CAMTA1: variants seen among roughly 807,000 people sequenced by gnomAD.
The protein encoded by CAMTA1 is calmodulin binding transcription activator 1, also known as calmodulin-binding transcription activator 1.
In CAMTA1, 27 loss-of-function variants were observed where a neutral mutation model predicts 170.9. The ratio of observed to expected loss-of-function variants is 0.16; its 90% CI spans 0.12 to 0.22. CAMTA1 has a LOEUF of 0.22. Among genes scored for constraint, CAMTA1 ranks in the 10% least tolerant of loss-of-function variants. CAMTA1 has a pLI of 1.00. For missense variants in CAMTA1, 1,619 were observed against 2,217.2 expected (o/e 0.73, Z 5.42); for synonymous variants, 833 against 891.5 (o/e 0.93, Z 1.17).
intron 11 of CAMTA1, among the ~76,000 whole-genome samples, chr1:7,730,926 CTCTA>C (rs753104497): frequency 0.016 from 2,131 of 130,648 alleles, 15 homozygotes; most frequent in Non-Finnish European, 0.027. Flanking sequence ...CTCTCTCTCT[CTCTA>C]TATATATATA....
intron 4 of CAMTA1, among the ~76,000 whole-genome samples, chr1:7,143,601 T>C (rs1646013237): frequency 1.3e-5 from 2 of 152,186 alleles, no homozygotes; most frequent in Admixed American, 6.5e-5. Flanking sequence ...AACACTGAGG[T>C]TCTTCTCCCA....
At chr1:7,729,041 G>A (rs984802926) in intron 11 of CAMTA1, among the ~76,000 whole-genome samples, 2 of 151,994 alleles carry the variant, frequency 1.3e-5, no homozygotes, top group African/African-American at 2.4e-5. Flanking sequence ...GTTATTTTTC[G>A]CTTTAAAAGA....
intron 3 of CAMTA1, among the ~76,000 whole-genome samples, chr1:6,879,635 C>T (rs1157128206): frequency 8.0e-6 from 1 of 125,022 alleles, no homozygotes; most frequent in Non-Finnish European, 1.7e-5. Flanking sequence ...TTTTTTGAGA[C>T]AAGGTTCTTG....
At chr1:7,556,296 A>C (rs1415072424) in intron 6 of CAMTA1, among the ~76,000 whole-genome samples, 1 of 152,110 alleles carries the variant, frequency 6.6e-6, no homozygotes, top group African/African-American at 2.4e-5. Context: ...TTGGTCTGAA[A>C]GGTGGGTTCC....
rs1236627395 is a variant in CAMTA1 at position 7,748,276 on chromosome 1, CAG to C, written c.4689+496_4689+497del. 3.3e-5 allele frequency among the ~76,000 whole-genome samples: 5 copies of C among 151,812 alleles called. No homozygotes were observed. Among genetic ancestry groups the C allele is most frequent in the African/African-American group, 9.7e-5 (4 of 41,302 alleles). On this transcript the variant is annotated intron_variant, in intron 19 of 22. Coordinates refer to ENST00000303635, the MANE Select transcript of CAMTA1 (RefSeq NM_015215.4). The surrounding 1 kb of genome is among the most constrained non-coding windows in gnomAD (Gnocchi z 4.7). The stretch of plus-strand genomic sequence containing the variant: ...AAACAAACAAACAAACAAACAAAAA[CAG>C]GGGAAGCCACACATGATGGCGTGTG...
At chr1:6,945,345 A>AT (rs991469962) in intron 3 of CAMTA1, among the ~76,000 whole-genome samples, 1 of 151,936 alleles carries the variant, frequency 6.6e-6, no homozygotes, top group Non-Finnish European at 1.5e-5. Flanking sequence ...TTTAATTTTA[A>AT]TTTTTTAACT....
intron 6 of CAMTA1, among the ~76,000 whole-genome samples, chr1:7,548,947 T>C (rs1483636529): frequency 3.3e-4 from 39 of 118,012 alleles, no homozygotes; most frequent in Non-Finnish European, 1.4e-4. Context: ...GTGTAGGGTG[T>C]CCCCTTAGGG....
chr1:6,973,339 C>A (rs1225247603), intron 3 of CAMTA1, among the ~76,000 whole-genome samples: 1 of 152,162 alleles, frequency 6.6e-6, no homozygotes, highest in Non-Finnish European at 1.5e-5. Flanking sequence ...AGGGGTTTGA[C>A]CATTTTTGAT....
chr1:6,785,640 AC>A (rs1638935769), intron 1 of CAMTA1, 65 bp downstream of exon 1: 13 of 899,638 alleles, frequency 1.4e-5, no homozygotes, highest in Non-Finnish European at 1.7e-5. Flanking sequence ...GCCCCGCCGG[AC>A]ATCCCGGGCA....
At position 7,600,959 on chromosome 1, in the gene CAMTA1, A is replaced by G. The variant is rs1341041892; in HGVS notation, c.511-39441A>G. Among the ~76,000 whole-genome samples, 13 of 151,664 alleles carry G rather than the reference A, an allele frequency of 8.6e-5. No individual in the cohort carries two copies. In the East Asian group the frequency reaches 2.6e-3, roughly 30 times the overall value. ...TCCCCCCTTTCTATTCCACAAAACC[A>G]CCATTGTCATCATGGCCCGTTCTCA... On this transcript the variant is annotated intron_variant, in intron 6 of 22. Transcript: ENST00000303635.
intron 6 of CAMTA1, among the ~76,000 whole-genome samples, chr1:7,500,833 C>T (rs776521764): frequency 6.6e-6 from 1 of 152,080 alleles, no homozygotes; most frequent in Non-Finnish European, 1.5e-5. Flanking sequence ...GTCTCGGTGA[C>T]ATCAGGCAGT....
In CAMTA1 at chr1:7,482,742, A is replaced by T. The variant is rs1208073247; in HGVS notation, c.510+14841A>T. Among the ~76,000 whole-genome samples, 1 of 152,230 alleles carries T rather than the reference A, an allele frequency of 6.6e-6. No homozygotes were observed. The highest frequency in any genetic ancestry group is 6.5e-5 in the Admixed American group (1 of 15,290). On this transcript the variant is annotated intron_variant, in intron 6 of 22. Coordinates refer to ENST00000303635, the MANE Select transcript of CAMTA1 (RefSeq NM_015215.4). The surrounding 1 kb of genome is among the most constrained non-coding windows in gnomAD (Gnocchi z 4.2). ...TTAGTTTGGAGACCAAGTTCTCAGA[A>T]AAACACTGTCGGTTCCAAAGAAATG...
chr1:7,753,257 G>T (rs928334870), intron 21 of CAMTA1, among the ~76,000 whole-genome samples: 1 of 152,216 alleles, frequency 6.6e-6, no homozygotes, highest in Non-Finnish European at 1.5e-5. Context: ...TCTTTATGAA[G>T]ACTAGCGTCT....
chr1:7,618,728 G>C (rs2095576939), intron 6 of CAMTA1, among the ~76,000 whole-genome samples: 1 of 152,158 alleles, frequency 6.6e-6, no homozygotes, highest in African/African-American at 2.4e-5. Context: ...TTGTGGCTTA[G>C]GGTGTTTACC....
chr1:7,706,035 C>T (rs563850177), intron 11 of CAMTA1, among the ~76,000 whole-genome samples: 48 of 152,348 alleles, frequency 3.2e-4, no homozygotes, highest in African/African-American at 1.1e-3. Flanking sequence ...CTGTAGATTA[C>T]TGCAGACATC....
At chr1:7,538,870 G>A (rs987181975) in intron 6 of CAMTA1, among the ~76,000 whole-genome samples, 2 of 152,190 alleles carry the variant, frequency 1.3e-5, no homozygotes, top group African/African-American at 4.8e-5. Flanking sequence ...TTTGACACTG[G>A]AGGAGCATGG....
intron 21 of CAMTA1, among the ~76,000 whole-genome samples, chr1:7,755,128 C>A (rs1008103524): frequency 6.6e-6 from 1 of 151,986 alleles, no homozygotes; most frequent in Non-Finnish European, 1.5e-5. Context: ...GAGTTTGAGA[C>A]CAGCCTGGCC....
intron 3 of CAMTA1, among the ~76,000 whole-genome samples, chr1:6,825,960 C>T (rs1055573799): frequency 2.6e-5 from 4 of 152,120 alleles, no homozygotes; most frequent in African/African-American, 9.7e-5. Flanking sequence ...AGTTATATTC[C>T]TTTAATTCAG....
chr1:7,382,262 CAGAT>C (rs1300728136), intron 5 of CAMTA1, among the ~76,000 whole-genome samples: 1 of 152,234 alleles, frequency 6.6e-6, no homozygotes, highest in East Asian at 1.9e-4. Flanking sequence ...CAAAGGGAAA[CAGAT>C]AGCTATCTCT....
Sources: allele counts gnomAD v4.1 joint callset (sites outside exome capture counted in the v4.1 genomes callset), GRCh38; gene constraint gnomAD v4.1.1; non-coding constraint Gnocchi (gnomAD v3.1); transcripts MANE v1.5; gene names NCBI Gene and HGNC (gene_info 2026-07-23, HGNC 2026-07-21).